UBE2E2: variants seen among roughly 807,000 people sequenced by gnomAD.
UBE2E2 encodes ubiquitin conjugating enzyme E2 E2.
In UBE2E2, 6 loss-of-function variants were observed where a neutral mutation model predicts 24.7. The ratio of observed to expected loss-of-function variants is 0.24; its 90% CI spans 0.13 to 0.48. The LOEUF is 0.48. Ranked by LOEUF, UBE2E2 falls within the 20% of genes least tolerant of loss-of-function variation. UBE2E2 has a pLI of 0.99. For missense variants in UBE2E2, 169 were observed against 245.0 expected (o/e 0.69, Z 2.07); for synonymous variants, 104 against 83.6 (o/e 1.24, Z -1.33).
intron 3 of UBE2E2, among the ~76,000 whole-genome samples, chr3:23,483,930 G>T (rs567197485): frequency 6.6e-6 from 1 of 152,120 alleles, no homozygotes; most frequent in African/African-American, 2.4e-5. Flanking sequence ...CAAACACAGC[G>T]GAGTTTGTCT....
intron 5 of UBE2E2, among the ~76,000 whole-genome samples, chr3:23,568,679 GTATACATATATACACACATATATA>G (rs1696143285): frequency 2.5e-5 from 3 of 118,066 alleles, no homozygotes; most frequent in Admixed American, 8.2e-5. Flanking sequence ...GCACATATAT[GTATACATATATACACACATATATA>G]TATACATGTA....
chr3:23,585,877 A>G (rs1341867009), intron 5 of UBE2E2, among the ~76,000 whole-genome samples: 6 of 150,500 alleles, frequency 4.0e-5, no homozygotes, highest in Non-Finnish European at 1.5e-5. Flanking sequence ...TCTCAACAAA[A>G]AAAAAAAATT....
In UBE2E2 at chr3:23,475,212, C is replaced by T. The variant is rs541614214; in HGVS notation, c.228-24396C>T. Among the ~76,000 whole-genome samples the T allele has an allele frequency of 1.1e-3, 172 of 152,134 alleles. 1 individual carries two copies. Among genetic ancestry groups the T allele is most frequent in the African/African-American group, 3.1e-3 (128 of 41,414 alleles). On this transcript the variant is annotated intron_variant, in intron 3 of 5. Transcript: ENST00000396703. ...TTTCTCAGAACTCCCTCCTAACTCC[C>T]CTCCTTTTGCAGTGCTGGTTCTGTC...
intron 5 of UBE2E2, among the ~76,000 whole-genome samples, chr3:23,556,454 T>TAAAAAAAAAAAAA (rs5847239): frequency 2.1e-5 from 2 of 94,338 alleles, no homozygotes; most frequent in Non-Finnish European, 2.1e-5. Flanking sequence ...AAAATTTATT[T>TAAAAAAAAAAAAA]AAAAAAAAAA....
intron 5 of UBE2E2, among the ~76,000 whole-genome samples, chr3:23,561,916 T>A (rs1695941522): frequency 6.6e-6 from 1 of 152,186 alleles, no homozygotes; most frequent in Admixed American, 6.5e-5. Flanking sequence ...GCACATTGAT[T>A]TTGTATCCTG....
chr3:23,526,318 T>C (rs1694996857), intron 4 of UBE2E2, among the ~76,000 whole-genome samples: 1 of 152,020 alleles, frequency 6.6e-6, no homozygotes, highest in South Asian at 2.1e-4. Flanking sequence ...GACAGAAAAA[T>C]GTTAAAGAGA....
intron 3 of UBE2E2, among the ~76,000 whole-genome samples, chr3:23,488,708 C>T (rs1275241554): frequency 6.6e-6 from 1 of 152,170 alleles, no homozygotes; most frequent in African/African-American, 2.4e-5. Context: ...GGTTTACCCT[C>T]TTGTCAGAAG....
rs150211790 is a variant in UBE2E2 at position 23,208,939 on chromosome 3, C to G, written c.176+64C>G. On this transcript the variant is annotated intron_variant, in intron 2 of 5. Coordinates refer to ENST00000396703, the MANE Select transcript of UBE2E2 (RefSeq NM_152653.4). Reference sequence around the variant, plus strand: ...ATTTATCATCTTAAGTTCTATTTTTCTCTTGCATTTAATCATTTTTTCTGG... The same window carrying G: ...ATTTATCATCTTAAGTTCTATTTTTGTCTTGCATTTAATCATTTTTTCTGG... The G allele has an allele frequency of 3.6e-4, 514 of 1,435,798 alleles. 8 individuals carry two copies. In the East Asian group the frequency reaches 0.011, roughly 30 times the overall value. The allele number at this position is 1,435,798 out of a possible 1,614,324, so 88.9% of individuals were successfully genotyped here.
At chr3:23,450,418 T>C (rs1307350568) in intron 3 of UBE2E2, among the ~76,000 whole-genome samples, 1 of 152,204 alleles carries the variant, frequency 6.6e-6, no homozygotes, top group Non-Finnish European at 1.5e-5. Context: ...GGCTAGTGGC[T>C]ACTAAATGGG....
At chr3:23,240,351 T>C (rs1697224897) in intron 3 of UBE2E2, among the ~76,000 whole-genome samples, 1 of 152,242 alleles carries the variant, frequency 6.6e-6, no homozygotes, top group Non-Finnish European at 1.5e-5. Context: ...TGAAATTTTT[T>C]TTCCTATGTG....
intron 3 of UBE2E2, among the ~76,000 whole-genome samples, chr3:23,441,963 T>A (rs1054700149): frequency 6.6e-6 from 1 of 152,198 alleles, no homozygotes; most frequent in Non-Finnish European, 1.5e-5. Context: ...AAAGCCTTGC[T>A]TTGTGATTTA....
At chr3:23,415,095 A>G (rs1433892666) in intron 3 of UBE2E2, among the ~76,000 whole-genome samples, 1 of 152,172 alleles carries the variant, frequency 6.6e-6, no homozygotes, top group Non-Finnish European at 1.5e-5. Context: ...AACTTGTAAG[A>G]TATTTCTGGG....
At chr3:23,294,171 G>T (rs2125251888) in intron 3 of UBE2E2, among the ~76,000 whole-genome samples, 1 of 152,276 alleles carries the variant, frequency 6.6e-6, no homozygotes, top group African/African-American at 2.4e-5. Context: ...AGCATTTTCA[G>T]CTAGATAATT....
intron 5 of UBE2E2, among the ~76,000 whole-genome samples, chr3:23,550,714 A>G (rs1432689100): frequency 6.6e-6 from 1 of 152,152 alleles, no homozygotes; most frequent in Non-Finnish European, 1.5e-5. Context: ...AAGCCCTACA[A>G]TTGTCCCCAG....
intron 3 of UBE2E2, among the ~76,000 whole-genome samples, chr3:23,353,957 G>T (rs2125323865): frequency 6.6e-6 from 1 of 152,238 alleles, no homozygotes; most frequent in Non-Finnish European, 1.5e-5. Flanking sequence ...GAACAAAGCT[G>T]GAGGCATCAC....
At chr3:23,355,192 A>G (rs13067463) in intron 3 of UBE2E2, among the ~76,000 whole-genome samples, 9 of 142,044 alleles carry the variant, frequency 6.3e-5, no homozygotes, top group African/African-American at 1.3e-4. Flanking sequence ...GAACACATGG[A>G]CACAGGAAGG....
At chr3:23,211,164 G>A (rs971062365) in intron 2 of UBE2E2, among the ~76,000 whole-genome samples, 6 of 152,038 alleles carry the variant, frequency 3.9e-5, no homozygotes, top group African/African-American at 1.2e-4. Context: ...TATAGGGATC[G>A]GATTTTCCAT....
intron 4 of UBE2E2, among the ~76,000 whole-genome samples, chr3:23,528,380 A>G (rs963158881): frequency 9.9e-5 from 15 of 152,168 alleles, no homozygotes; most frequent in Admixed American, 9.2e-4. Context: ...TTGAAGGAAA[A>G]TACAGAGTAG....
intron 3 of UBE2E2, among the ~76,000 whole-genome samples, chr3:23,303,681 C>G (rs1367030233): frequency 6.6e-6 from 1 of 152,108 alleles, no homozygotes; most frequent in Non-Finnish European, 1.5e-5. Flanking sequence ...AAGTATAACA[C>G]TTGAAATCTG....
Sources: allele counts gnomAD v4.1 joint callset (sites outside exome capture counted in the v4.1 genomes callset), GRCh38; gene constraint gnomAD v4.1.1; transcripts MANE v1.5; gene names NCBI Gene and HGNC (gene_info 2026-07-23, HGNC 2026-07-21).